Variants in SLC6A15 observed in about 807,000 individuals in gnomAD.
SLC6A15 encodes sodium-dependent neutral amino acid transporter B(0)AT2.
SLC6A15 carries 33 observed loss-of-function variants against 68.5 expected under a neutral mutation model. The ratio of observed to expected loss-of-function variants is 0.48; its 90% CI spans 0.37 to 0.64. The LOEUF (loss-of-function observed/expected upper bound fraction) is 0.64. SLC6A15 is among the 30% of genes least tolerant of loss of function. SLC6A15 has a pLI of 0.00. For synonymous variants in SLC6A15, 347 were observed against 301.0 expected, an observed-to-expected ratio of 1.15 and a Z score of -1.58; for missense variants, 747 against 874.3, an observed-to-expected ratio of 0.85 and a Z score of 1.84.
At position 84,873,251 on chromosome 12, in the gene SLC6A15, A is replaced by T; in HGVS notation, c.945T>A (p.Gly315=). The change falls in exon 7 of 12, where the codon GGT becomes GGA. Residue 315 remains glycine (G), a synonymous_variant. Coordinates refer to ENST00000266682, the MANE Select transcript of SLC6A15 (RefSeq NM_182767.6). ...TGTAGCTTGAAAAGGCAATGACACC[A>T]CCAAATCCCAGACCTAAGGCAAAGA... ...QVFFALGLGF[G]GVIAFSSYNK... 2.5e-6 allele frequency: 4 copies of T among 1,614,086 alleles called. No individual in the cohort carries two copies. Among genetic ancestry groups the T allele is most frequent in the Non-Finnish European group, 3.4e-6 (4 of 1,179,988 alleles).
chr12:84,862,930 T>C (rs1361092124), intron 11 of SLC6A15, among the ~76,000 whole-genome samples: 1 of 152,078 alleles, frequency 6.6e-6, no homozygotes, highest in Non-Finnish European at 1.5e-5. Flanking sequence ...GCTAGGACTA[T>C]AGCCGTGTGC....
intron 10 of SLC6A15, among the ~76,000 whole-genome samples, chr12:84,866,318 A>C (rs890166106): frequency 6.6e-6 from 1 of 152,174 alleles, no homozygotes. Flanking sequence ...CATCATTTCA[A>C]ATACATACAC....
chr12:84,873,173 A>G lies in SLC6A15; in HGVS notation c.1023T>C (p.Asn341=). The G allele has an allele frequency of 6.2e-7, 1 of 1,614,086 alleles. No homozygotes were observed. Among genetic ancestry groups the G allele is most frequent in the South Asian group, 1.1e-5 (1 of 91,080 alleles). Reference sequence around the variant, plus strand: ...ATGTTGCCAGGACAGAAGTGAAAAAATTGATGAAGGACACCAGGACAGCAT... The same window carrying G: ...ATGTTGCCAGGACAGAAGTGAAAAAGTTGATGAAGGACACCAGGACAGCAT... ...HFDAVLVSFI[N]FFTSVLATLV... is the part of the protein sequence containing the mutation. Residue 341 remains asparagine, a synonymous_variant, in exon 7 of 12, where the codon AAT becomes AAC. Coordinates refer to ENST00000266682, the MANE Select transcript of SLC6A15 (RefSeq NM_182767.6).
intron 5 of SLC6A15, chr12:84,880,754 C>T (rs1393813536): frequency 1.6e-5 from 5 of 321,550 alleles, no homozygotes; most frequent in Non-Finnish European, 1.3e-5. Context: ...AAAGCAAGTA[C>T]GTTAGTAAGA....
rs374919743 is a variant in SLC6A15, at chr12:84,861,588, T to C, written c.*44A>G. 33 of 1,546,008 alleles carry C rather than the reference T, an allele frequency of 2.1e-5. No homozygotes were observed. Among genetic ancestry groups the C allele is most frequent in the Non-Finnish European group, 2.7e-5 (31 of 1,145,340 alleles). ...CTTCTCCTACTAGGGCCAATGTTCA[T>C]TGGTAAAAATGAACCAAATAAAACC... On this transcript the variant is annotated 3_prime_UTR_variant, in exon 12 of 12. Coordinates refer to ENST00000266682, the MANE Select transcript of SLC6A15 (RefSeq NM_182767.6).
chr12:84,906,572 T>C (rs1873166779), intron 1 of SLC6A15, among the ~76,000 whole-genome samples: 3 of 152,078 alleles, frequency 2.0e-5, no homozygotes, highest in Admixed American at 2.0e-4. Flanking sequence ...GTGAGGTTGG[T>C]GAAAGGATAG....
At chr12:84,876,342 A>T (rs1387195058) in intron 6 of SLC6A15, among the ~76,000 whole-genome samples, 155 bp downstream of exon 6, 1 of 152,152 alleles carries the variant, frequency 6.6e-6, no homozygotes, top group East Asian at 1.9e-4. Flanking sequence ...ATACATAAAA[A>T]ATGCTGGTTT....
intron 1 of SLC6A15, among the ~76,000 whole-genome samples, chr12:84,893,602 G>A (rs1011780679): frequency 2.6e-5 from 4 of 151,972 alleles, no homozygotes; most frequent in Non-Finnish European, 5.9e-5. Context: ...CAAGAATTCC[G>A]CCCTTCATTT....
At chr12:84,889,196 C>T (rs1181079640) in intron 2 of SLC6A15, among the ~76,000 whole-genome samples, 1 of 152,062 alleles carries the variant, frequency 6.6e-6, no homozygotes, top group Non-Finnish European at 1.5e-5. Flanking sequence ...GTAATCTAAG[C>T]ATAAAAACAG....
chr12:84,882,398 G>C, intron 5 of SLC6A15: 2 of 971,878 alleles, frequency 2.1e-6, no homozygotes, highest in Non-Finnish European at 2.4e-6. Context: ...ATATTTAGAT[G>C]TGTTAACAAG....
intron 2 of SLC6A15, 39 bp from the exon 3 acceptor site, chr12:84,886,107 T>C: frequency 7.1e-7 from 1 of 1,400,156 alleles, no homozygotes; most frequent in South Asian, 1.2e-5. Context: ...ATATTTTCAA[T>C]ACAGTAGAAA....
chr12:84,866,402 T>G (rs1238823306), intron 10 of SLC6A15, among the ~76,000 whole-genome samples: 1 of 152,156 alleles, frequency 6.6e-6, no homozygotes, highest in Non-Finnish European at 1.5e-5. Flanking sequence ...AATAGTGAAT[T>G]TATTCATTAT....
Position 84,867,045 on chromosome 12 carries a change from A to G in SLC6A15, c.1644T>C (p.Tyr548=). Residue 548 remains tyrosine, a synonymous_variant, in exon 10 of 12, where the codon TAT becomes TAC. Coordinates refer to ENST00000266682, the MANE Select transcript of SLC6A15 (RefSeq NM_182767.6). ...ILENIAVCFV[Y]GIDKFMEDLK... is the part of the protein sequence containing the mutation. ...GCAAATATACTTACTTATCTATGCC[A>G]TAAACAAAGCATACAGCAATATTCT... 6.3e-7 allele frequency: 1 copy of G among 1,599,378 alleles called. No individual in the cohort carries two copies. Among genetic ancestry groups the G allele is most frequent in the Non-Finnish European group, 8.5e-7 (1 of 1,174,366 alleles).
At chr12:84,908,012 T>C (rs1042646895) in intron 1 of SLC6A15, among the ~76,000 whole-genome samples, 1 of 152,140 alleles carries the variant, frequency 6.6e-6, no homozygotes, top group Non-Finnish European at 1.5e-5. Context: ...AGAGTAGAGA[T>C]TGCCAGGAGT....
At position 84,859,885 on chromosome 12, in the gene SLC6A15, A is replaced by T. The variant is rs1169583417; in HGVS notation, c.*1747T>A. ...TAATATATTGTATTTCCAGAAGGAT[A>T]CAGAAGAAACTGGCAATGGTGATTG... On this transcript the variant is annotated 3_prime_UTR_variant, in exon 12 of 12. Transcript: ENST00000266682. 1 of 152,074 alleles carries T rather than the reference A, an allele frequency of 6.6e-6. No individual in the cohort carries two copies. Among genetic ancestry groups the T allele is most frequent in the Non-Finnish European group, 1.5e-5 (1 of 67,924 alleles). The allele number at this position is 152,074 out of a possible 1,614,324, so 9.4% of individuals were successfully genotyped here.
intron 2 of SLC6A15, among the ~76,000 whole-genome samples, chr12:84,887,619 A>T (rs1489021616): frequency 2.6e-5 from 4 of 152,164 alleles, no homozygotes; most frequent in African/African-American, 9.7e-5. Context: ...TGCTGACCTG[A>T]ATGTTTTTCC....
chr12:84,883,600 T>C (rs1428895827), intron 5 of SLC6A15: 2 of 1,397,422 alleles, frequency 1.4e-6, no homozygotes, highest in Admixed American at 3.1e-5. Flanking sequence ...GACTTTTAAG[T>C]ATTCACAAAA....
In SLC6A15 at chr12:84,883,890, G is replaced by A; in HGVS notation, c.725C>T (p.Ala242Val). 1.2e-6 allele frequency: 2 copies of A among 1,614,050 alleles called. No individual in the cohort carries two copies. The highest frequency in any genetic ancestry group is 1.7e-6 in the Non-Finnish European group (2 of 1,179,986). ...LLAAWVMVCL[A>V]MIKGIQSSGK... ...AGAAGACTGAATGCCTTTGATCATA[G>A]CCAAGCAAACCATGACCCAGGCAGC... Residue 242 changes from alanine (A) to valine (V), a missense_variant, in exon 5 of 12, where the codon GCT (alanine) becomes GTT (valine). By Grantham distance (64) the Ala-to-Val change is moderately conservative. Transcript: ENST00000266682.
rs752995684 is a variant in SLC6A15, at chr12:84,861,836, C to G, written c.1989G>C (p.Leu663=). ...ASVTYKRGRV[L]KEPVNLEGDD... ...CGCCCTCTAAGTTCACAGGCTCTTT[C>G]AGGACCCTTCCTCTCTTATAGGTCA... The change falls in exon 12 of 12, where the codon CTG becomes CTC. Residue 663 remains leucine (L), a synonymous_variant. Transcript: ENST00000266682. The G allele has an allele frequency of 1.2e-6, 2 of 1,613,938 alleles. No individual in the cohort carries two copies. Among genetic ancestry groups the G allele is most frequent in the South Asian group, 2.2e-5 (2 of 91,070 alleles).
Sources: allele counts gnomAD v4.1 joint callset (sites outside exome capture counted in the v4.1 genomes callset), GRCh38; gene constraint gnomAD v4.1.1; transcripts MANE v1.5; gene names NCBI Gene and HGNC (gene_info 2026-07-23, HGNC 2026-07-21).